The following FSTL5 variants were observed in gnomAD, a reference collection of about 807,000 sequenced individuals.
FSTL5 encodes the protein follistatin like 5.
In FSTL5, 62 loss-of-function variants were observed where a neutral mutation model predicts 89.1. The observed-to-expected ratio is 0.70, with a 90% CI of 0.57 to 0.86. The LOEUF (loss-of-function observed/expected upper bound fraction) is 0.86, where lower values mean the gene tolerates loss of function less well. FSTL5 is among the 40% of genes least tolerant of loss of function. The probability of loss-of-function intolerance (pLI) is 0.00; values close to 1 mark genes in which losing one functional copy is unlikely to be tolerated. For missense variants in FSTL5, 1,057 were observed against 1,001.6 expected, an observed-to-expected ratio of 1.06 and a Z score of -0.75; for synonymous variants, 383 against 346.2, an observed-to-expected ratio of 1.11 and a Z score of -1.18.
chr4:161,631,117 C>G lies in FSTL5; in HGVS notation c.894+25211G>C, dbSNP rs527292714. 2.6e-5 allele frequency among the ~76,000 whole-genome samples: 4 copies of G among 152,228 alleles called. No homozygotes were observed. The South Asian group carries it at 8.3e-4, about 32-fold the overall frequency. ...AAGAAAATAGATTCTTCACCGGTGC[C>G]TTATACCAAGATCCACTACAGCAAT... is the stretch of plus-strand genomic sequence containing the variant. On this transcript the variant is annotated intron_variant, in intron 7 of 15. Coordinates refer to ENST00000306100, the MANE Select transcript of FSTL5 (RefSeq NM_020116.5).
chr4:161,915,443 A>G (rs1281004485), intron 4 of FSTL5, among the ~76,000 whole-genome samples: 1 of 152,118 alleles, frequency 6.6e-6, no homozygotes, highest in Non-Finnish European at 1.5e-5. Flanking sequence ...CTGCCTAAGT[A>G]TTAATCACCT....
At chr4:161,711,120 T>C (rs975061403) in intron 6 of FSTL5, among the ~76,000 whole-genome samples, 1 of 148,988 alleles carries the variant, frequency 6.7e-6, no homozygotes, top group Non-Finnish European at 1.5e-5. Context: ...AATAACCTAA[T>C]CTTCTGCCTA....
intron 7 of FSTL5, among the ~76,000 whole-genome samples, chr4:161,605,744 G>C (rs937526394): frequency 6.6e-6 from 1 of 152,202 alleles, no homozygotes; most frequent in Non-Finnish European, 1.5e-5. Context: ...TGGAAGATAA[G>C]TCTTTTCAAC....
chr4:161,729,481 C>A (rs1560813626), intron 6 of FSTL5, among the ~76,000 whole-genome samples: 1 of 152,126 alleles, frequency 6.6e-6, no homozygotes, highest in Admixed American at 6.5e-5. Context: ...TGCCCTCATA[C>A]CTGACCTTCC....
intron 3 of FSTL5, among the ~76,000 whole-genome samples, chr4:161,943,143 A>C (rs973465872): frequency 4.6e-5 from 7 of 152,136 alleles, no homozygotes; most frequent in Non-Finnish European, 1.0e-4. Context: ...AGTCCTGTAC[A>C]TTGAAAATTA....
At chr4:161,855,802 T>C (rs1026015063) in intron 4 of FSTL5, among the ~76,000 whole-genome samples, 1 of 152,116 alleles carries the variant, frequency 6.6e-6, no homozygotes, top group Non-Finnish European at 1.5e-5. Flanking sequence ...ACGTCAAAAT[T>C]AAATGCAATC....
intron 6 of FSTL5, among the ~76,000 whole-genome samples, chr4:161,707,017 GACTGTAGTTAGAGTT>G (rs1287647529): frequency 2.0e-5 from 3 of 151,902 alleles, no homozygotes; most frequent in African/African-American, 4.8e-5. Flanking sequence ...CTTTTATTCA[GACTGTAGTTAGAGTT>G]ACAATATAAT....
At chr4:162,115,369 C>T (rs989241429) in intron 1 of FSTL5, among the ~76,000 whole-genome samples, 2 of 152,152 alleles carry the variant, frequency 1.3e-5, no homozygotes, top group Admixed American at 1.3e-4. Context: ...AAAGTTCACT[C>T]ATCCACAGAA....
intron 2 of FSTL5, among the ~76,000 whole-genome samples, chr4:162,062,744 TAC>T (rs1738761633): frequency 6.6e-6 from 1 of 151,332 alleles, no homozygotes; most frequent in Non-Finnish European, 1.5e-5. Flanking sequence ...TATATGTATA[TAC>T]ACACACCTTT....
At chr4:161,482,905 C>T (rs569461346) in intron 12 of FSTL5, among the ~76,000 whole-genome samples, 1 of 152,300 alleles carries the variant, frequency 6.6e-6, no homozygotes, top group East Asian at 1.9e-4. Context: ...CTCTTCTAAA[C>T]AGCACAGATT....
At chr4:161,854,600 G>T (rs1731663417) in intron 4 of FSTL5, among the ~76,000 whole-genome samples, 1 of 152,134 alleles carries the variant, frequency 6.6e-6, no homozygotes, top group African/African-American at 2.4e-5. Flanking sequence ...AAATAATTTT[G>T]TAGATTCTTT....
intron 7 of FSTL5, among the ~76,000 whole-genome samples, chr4:161,590,342 C>G (rs1017694085): frequency 1.3e-5 from 2 of 152,084 alleles, no homozygotes; most frequent in African/African-American, 4.8e-5. Flanking sequence ...AGTTTGAGAC[C>G]AGCCCGGCCA....
chr4:162,043,518 A>G (rs1738053354), intron 2 of FSTL5, among the ~76,000 whole-genome samples: 1 of 152,170 alleles, frequency 6.6e-6, no homozygotes, highest in African/African-American at 2.4e-5. Flanking sequence ...CAGTGTTGAT[A>G]GCTGTCAACT....
chr4:161,519,816 CATTTT>C (rs1297312418), intron 10 of FSTL5, among the ~76,000 whole-genome samples: 32 of 152,116 alleles, frequency 2.1e-4, no homozygotes, highest in Non-Finnish European at 4.3e-4. Flanking sequence ...CATACTGTAT[CATTTT>C]AAGTATGTGG....
chr4:161,452,336 T>A (rs1733194327), intron 15 of FSTL5, among the ~76,000 whole-genome samples: 1 of 151,772 alleles, frequency 6.6e-6, no homozygotes, highest in Admixed American at 6.6e-5. Context: ...ATTAGCTGGA[T>A]ATGGTGGAGG....
chr4:162,124,670 C>A (rs1731999490), intron 1 of FSTL5, among the ~76,000 whole-genome samples: 4 of 152,098 alleles, frequency 2.6e-5, no homozygotes, highest in Admixed American at 2.6e-4. Context: ...TCAAAACATA[C>A]TCAAAAGCTT....
chr4:161,449,893 C>T (rs1198748112), intron 15 of FSTL5, among the ~76,000 whole-genome samples: 1 of 152,128 alleles, frequency 6.6e-6, no homozygotes, highest in Non-Finnish European at 1.5e-5. Flanking sequence ...TATTCTCTTG[C>T]CAACACATCT....
rs113439939 is a variant in FSTL5 at position 162,051,341 on chromosome 4, G to A, written c.127-17683C>T. 2.3e-3 allele frequency among the ~76,000 whole-genome samples: 347 copies of A among 151,338 alleles called. 2 individuals carry two copies. Among genetic ancestry groups the A allele is most frequent in the African/African-American group, 7.6e-3 (316 of 41,444 alleles). ...ATTAAATTGATTAATGGAGAGATAG[G>A]TAGATAAATGAATAGATCAACAAAT... On this transcript the variant is annotated intron_variant, in intron 2 of 15. Transcript: ENST00000306100.
intron 6 of FSTL5, among the ~76,000 whole-genome samples, chr4:161,680,134 ATTAT>A (rs1737466351): frequency 6.6e-6 from 1 of 151,908 alleles, no homozygotes; most frequent in South Asian, 2.1e-4. Context: ...TGTTTACATA[ATTAT>A]TTGTTTATAG....
Sources: gnomAD v4.1 joint callset for allele counts (sites outside exome capture counted in the v4.1 genomes callset) on GRCh38, gnomAD v4.1.1 for gene constraint, MANE v1.5 for transcripts, NCBI Gene and HGNC (gene_info 2026-07-23, HGNC 2026-07-21) for gene names.